CKM: variants seen among roughly 807,000 people sequenced by gnomAD.
CKM encodes creatine kinase M-type.
A neutral mutation model predicts 35.4 loss-of-function variants in CKM; 28 were observed. The observed-to-expected ratio is 0.79, with a 90% CI of 0.59 to 1.08. CKM has a LOEUF of 1.08. Ranked by LOEUF, CKM falls within the 50% of genes least tolerant of loss-of-function variation. The pLI is 0.00. For missense variants in CKM, 484 were observed against 509.8 expected (o/e 0.95, Z 0.49); for synonymous variants, 215 against 204.4 (o/e 1.05, Z -0.44).
Position 45,307,460 on chromosome 19 carries a change from C to A in CKM, c.967+1G>T, listed in dbSNP as rs778832754. ...TGGTGCAAAGGATGTGGGAGCCGTACCTGTACCCCTCTTCTGCAGACGCAG... is the reference window on the plus strand; with the variant it reads ...TGGTGCAAAGGATGTGGGAGCCGTAACTGTACCCCTCTTCTGCAGACGCAG... On this transcript the variant is annotated splice_donor_variant, in intron 7 of 7. Transcript: ENST00000221476. LOFTEE classifies it high-confidence loss of function. The A allele has an allele frequency of 2.5e-6, 4 of 1,613,744 alleles. No individual in the cohort carries two copies. Among genetic ancestry groups the A allele is most frequent in the Non-Finnish European group, 2.5e-6 (3 of 1,179,776 alleles).
intron 2 of CKM, among the ~76,000 whole-genome samples, chr19:45,318,741 C>T (rs12460022): frequency 0.061 from 9,294 of 152,114 alleles, 505 homozygotes; most frequent in East Asian, 0.27. Flanking sequence ...GGCTTCTCCC[C>T]GGCATCACAC....
chr19:45,317,279 T>TTTAA (rs1029534592), intron 3 of CKM, among the ~76,000 whole-genome samples: 2 of 150,514 alleles, frequency 1.3e-5, no homozygotes, highest in Non-Finnish European at 3.0e-5. Context: ...AGCTAATTTA[T>TTTAA]TTTATTTATT....
At chr19:45,318,178 C>T (rs1215678199) in intron 2 of CKM, among the ~76,000 whole-genome samples, 199 bp from the exon 3 acceptor site, 2 of 151,948 alleles carry the variant, frequency 1.3e-5, no homozygotes, top group African/African-American at 4.8e-5. Flanking sequence ...GAGGGTGAGG[C>T]GGGTGAATCT....
Position 45,306,624 on chromosome 19 carries a change from G to T in CKM, c.*126C>A. ...GGTTGAAACTGGAACTCTGAGAAGG[G>T]TGGAGAGAGCCCCCAGGTGGGACTC... On this transcript the variant is annotated 3_prime_UTR_variant, in exon 8 of 8. Coordinates refer to ENST00000221476, the MANE Select transcript of CKM (RefSeq NM_001824.5). The surrounding 1 kb of genome is among the most constrained non-coding windows in gnomAD (Gnocchi z 4.5). 1.0e-6 allele frequency: 1 copy of T among 956,434 alleles called. No individual in the cohort carries two copies. Among genetic ancestry groups the T allele is most frequent in the East Asian group, 2.4e-5 (1 of 41,900 alleles). The allele number at this position is 956,434 out of a possible 1,614,324, so 59.2% of individuals were successfully genotyped here. A position where few individuals can be genotyped will look rare whatever the true frequency, so the allele number is the denominator to read the frequency against.
chr19:45,314,866 C>A (rs992799625), intron 4 of CKM, among the ~76,000 whole-genome samples: 4 of 152,070 alleles, frequency 2.6e-5, no homozygotes, highest in Non-Finnish European at 5.9e-5. Flanking sequence ...TGTGTGCCAC[C>A]ACTCCTGGCT....
Position 45,322,848 on chromosome 19 carries a change from G to A in CKM, c.-46C>T. The A allele has an allele frequency of 4.1e-6, 4 of 986,208 alleles. No individual in the cohort carries two copies. The highest frequency in any genetic ancestry group is 4.8e-6 in the Non-Finnish European group (4 of 830,588). 61.1% of individuals were successfully genotyped at this position (986,208 alleles called of 1,614,324 possible). A position where few individuals can be genotyped will look rare whatever the true frequency, so the allele number is the denominator to read the frequency against. ...GGCTGGGCTGGGCTGAAGGGGGGCT[G>A]TCTGTATCCTGGAGGTGACACTGAC... On this transcript the variant is annotated 5_prime_UTR_variant, in exon 1 of 8. Transcript: ENST00000221476.
chr19:45,319,392 A>T (rs1380936440), intron 2 of CKM, 129 bp downstream of exon 2: 1 of 721,454 alleles, frequency 1.4e-6, no homozygotes, highest in Non-Finnish European at 2.4e-6. Flanking sequence ...ATTGATTCCC[A>T]CAACAGCCCC....
At chr19:45,315,167 C>T (rs1216828649) in intron 4 of CKM, among the ~76,000 whole-genome samples, 1 of 152,198 alleles carries the variant, frequency 6.6e-6, no homozygotes, top group East Asian at 1.9e-4. Context: ...ACCCCTATCT[C>T]CCCACACAGG....
At chr19:45,307,193 C>T (rs1202620488) in intron 7 of CKM, among the ~76,000 whole-genome samples, 3 of 152,198 alleles carry the variant, frequency 2.0e-5, no homozygotes, top group South Asian at 2.1e-4. Flanking sequence ...ATCCTGACCA[C>T]TCCTCGCTTT....
intron 1 of CKM, 129 bp downstream of exon 1, chr19:45,322,692 C>T (rs962368415): frequency 3.6e-5 from 18 of 499,748 alleles, no homozygotes; most frequent in African/African-American, 3.4e-4. Flanking sequence ...CACGCACCGA[C>T]CTGCCTTTGT....
intron 4 of CKM, 109 bp from the exon 5 acceptor site, chr19:45,312,029 C>T (rs544859675): frequency 1.6e-6 from 2 of 1,242,304 alleles, no homozygotes; most frequent in South Asian, 2.5e-5. Context: ...GCCTTGGCCC[C>T]CTGGATGTCC....
In CKM at chr19:45,309,811, C is replaced by G; in HGVS notation, c.654-1279G>C. ...CCGGGAGATGGAGGTTTCAGTGAGTCGAGATCAACCCACTGCACTCCAGCC... is the reference window on the plus strand; with the variant it reads ...CCGGGAGATGGAGGTTTCAGTGAGTGGAGATCAACCCACTGCACTCCAGCC... On this transcript the variant is annotated intron_variant, in intron 5 of 7. Coordinates refer to ENST00000221476, the MANE Select transcript of CKM (RefSeq NM_001824.5). Among the ~76,000 whole-genome samples the G allele has an allele frequency of 1.4e-5, 2 of 145,874 alleles. 1 individual carries two copies. The highest frequency in any genetic ancestry group is 4.2e-4 in the East Asian group (2 of 4,792).
chr19:45,316,533 C>T lies in CKM; in HGVS notation c.349-936G>A, dbSNP rs139010399. On this transcript the variant is annotated intron_variant, in intron 3 of 7. Transcript: ENST00000221476. ...TTCTTGCTATGTTGCCCAAGCTGGT[C>T]GTGAACTCTCCTGGCTTCACGTGAT... Among the ~76,000 whole-genome samples the T allele has an allele frequency of 6.0e-5, 9 of 150,860 alleles. No homozygotes were observed. In the South Asian group the frequency reaches 8.3e-4, roughly 14 times the overall value.
At chr19:45,312,859 C>T (rs1401504634) in intron 4 of CKM, among the ~76,000 whole-genome samples, 2 of 150,738 alleles carry the variant, frequency 1.3e-5, no homozygotes, top group Non-Finnish European at 2.9e-5. Context: ...GAGGCTGAGG[C>T]ACGAGAAACA....
intron 2 of CKM, among the ~76,000 whole-genome samples, chr19:45,319,188 C>T (rs908878821): frequency 6.6e-6 from 1 of 152,142 alleles, no homozygotes; most frequent in Non-Finnish European, 1.5e-5. Flanking sequence ...TCACTTGGTG[C>T]CAGGTGCCAC....
intron 4 of CKM, among the ~76,000 whole-genome samples, chr19:45,313,708 G>T (rs539197747): frequency 1.3e-5 from 2 of 152,168 alleles, no homozygotes; most frequent in African/African-American, 4.8e-5. Flanking sequence ...TTAGCCAGGC[G>T]TGGTGGCGCA....
chr19:45,315,498 C>G lies in CKM; in HGVS notation c.448G>C (p.Glu150Gln), dbSNP rs1396000138. The change falls in exon 4 of 8, where the codon GAG becomes CAG. Residue 150 changes from glutamate (E) to glutamine (Q), a missense_variant. Physicochemically the swap from Glu to Gln is conservative, Grantham distance 29. Transcript: ENST00000221476. ...GAGAGCTTCTCCACCGCCCGGCGCTCGCCACGGGAGCAGTGTGGGGGCAAC... is the reference window on the plus strand; with the variant it reads ...GAGAGCTTCTCCACCGCCCGGCGCTGGCCACGGGAGCAGTGTGGGGGCAAC... ...YTLPPHCSRG[E>Q]RRAVEKLSVE... 4 of 1,599,844 alleles carry G rather than the reference C, an allele frequency of 2.5e-6. No individual in the cohort carries two copies. In the African/African-American group the frequency reaches 5.3e-5, roughly 21 times the overall value.
intron 4 of CKM, 99 bp from the exon 5 acceptor site, chr19:45,312,019 G>A (rs2066542296): frequency 1.4e-6 from 2 of 1,398,064 alleles, no homozygotes; most frequent in East Asian, 2.3e-5. Flanking sequence ...ACGGGCCTGG[G>A]CCTTGGCCCC....
intron 3 of CKM, among the ~76,000 whole-genome samples, 200 bp from the exon 4 acceptor site, chr19:45,315,797 A>C (rs1353069645): frequency 6.8e-6 from 1 of 146,890 alleles, no homozygotes. Flanking sequence ...CCCCTCTCCT[A>C]TCTCTGTTTT....
Sources: gnomAD v4.1 joint callset for allele counts (sites outside exome capture counted in the v4.1 genomes callset) on GRCh38, gnomAD v4.1.1 for gene constraint, Gnocchi (gnomAD v3.1) non-coding constraint, MANE v1.5 for transcripts, NCBI Gene and HGNC (gene_info 2026-07-23, HGNC 2026-07-21) for gene names.